Variants in DTX3L observed in about 807,000 individuals in gnomAD.
DTX3L encodes the protein deltex E3 ubiquitin ligase 3L, also known as E3 ubiquitin-protein ligase DTX3L.
A neutral mutation model predicts 60.9 loss-of-function variants in DTX3L; 34 were observed. That is an observed-to-expected ratio of 0.56 (90% CI 0.42 to 0.74). DTX3L has a LOEUF of 0.74. Ranked by LOEUF, DTX3L falls within the 30% of genes least tolerant of loss-of-function variation. DTX3L has a pLI of 0.00. For missense variants in DTX3L, 810 were observed against 874.0 expected (o/e 0.93, Z 0.92); for synonymous variants, 290 against 316.6 (o/e 0.92, Z 0.89).
In DTX3L at chr3:122,569,789, C is replaced by A; in HGVS notation, c.1700C>A (p.Thr567Asn). Residue 567 changes from threonine to asparagine, a missense_variant, in exon 3 of 5, where the codon ACC (threonine) becomes AAC (asparagine). Coordinates refer to ENST00000296161, the MANE Select transcript of DTX3L (RefSeq NM_138287.3). ...GGCATCTGTGTCATCTGTATGGACA[C>A]CATTAGTAACAAAAAAGTGCTACCA... ...EKGICVICMD[T>N]ISNKKVLPKC... is the part of the protein sequence containing the mutation. 1 of 1,614,100 alleles carries A rather than the reference C, an allele frequency of 6.2e-7. No homozygotes were observed. The highest frequency in any genetic ancestry group is 8.5e-7 in the Non-Finnish European group (1 of 1,180,018).
chr3:122,569,688 T>A lies in DTX3L; in HGVS notation c.1599T>A (p.Asp533Glu). 6.2e-7 allele frequency: 1 copy of A among 1,614,176 alleles called. No homozygotes were observed. The highest frequency in any genetic ancestry group is 8.5e-7 in the Non-Finnish European group (1 of 1,180,034). The part of the protein sequence containing the change: ...GHETPMDIDS[D>E]DSKAASPPLK... ...AAACACCGATGGACATTGATAGCGA[T>A]GATTCCAAAGCAGCTTCTCCGCCAC... The change falls in exon 3 of 5, where the codon GAT becomes GAA. Residue 533 changes from aspartate (D) to glutamate (E), a missense_variant. Transcript: ENST00000296161.
At position 122,569,372 on chromosome 3, in the gene DTX3L, A is replaced by G. The variant is rs1405685774; in HGVS notation, c.1283A>G (p.Asp428Gly). ...TTTGAATCCAAGGACAGGCAGGTAGATCTATCTGTGCATGCTTATGCAAGT... is the reference window on the plus strand; with the variant it reads ...TTTGAATCCAAGGACAGGCAGGTAGGTCTATCTGTGCATGCTTATGCAAGT... ...ILFESKDRQVDLSVHAYASFI... is the reference protein window; with the variant it reads ...ILFESKDRQVGLSVHAYASFI... Residue 428 changes from aspartate to glycine, a missense_variant, in exon 3 of 5, where the codon GAT (aspartate) becomes GGT (glycine). Coordinates refer to ENST00000296161, the MANE Select transcript of DTX3L (RefSeq NM_138287.3). The G allele has an allele frequency of 6.2e-7, 1 of 1,614,060 alleles. No homozygotes were observed. Among genetic ancestry groups the G allele is most frequent in the East Asian group, 2.2e-5 (1 of 44,900 alleles).
In DTX3L at chr3:122,572,176, G is replaced by A. The variant is rs2080651038; in HGVS notation, c.*429G>A. ...GATCCGCCCGCCTCAGCCTTCCAAA[G>A]TGTTGGGATTATAGGCGTGAGCCAC... is the stretch of plus-strand genomic sequence containing the variant. On this transcript the variant is annotated 3_prime_UTR_variant, in exon 5 of 5. Transcript: ENST00000296161. 6.2e-6 allele frequency: 1 copy of A among 161,280 alleles called. No individual in the cohort carries two copies. The allele number at this position is 161,280 out of a possible 1,614,324, so 10.0% of individuals were successfully genotyped here.
Position 122,564,409 on chromosome 3 carries a change from C to T in DTX3L, c.-18C>T. The T allele has an allele frequency of 6.2e-7, 1 of 1,601,040 alleles. No homozygotes were observed. The highest frequency in any genetic ancestry group is 8.5e-7 in the Non-Finnish European group (1 of 1,174,582). On this transcript the variant is annotated 5_prime_UTR_variant, in exon 1 of 5. Coordinates refer to ENST00000296161, the MANE Select transcript of DTX3L (RefSeq NM_138287.3). The stretch of plus-strand genomic sequence containing the variant: ...AGCTGCCTCCCGGAGCCCCCGCGCC[C>T]TCCCGACGCGCAGAGCCATGGCCTC...
chr3:122,572,412 T>C lies in DTX3L; in HGVS notation c.*665T>C, dbSNP rs1217712678. On this transcript the variant is annotated 3_prime_UTR_variant, in exon 5 of 5. Transcript: ENST00000296161. ...TGGGGTGGTTCTTTGGTTTTTTGTGTGTTTTCCCCTTCATCTCTACCTGTG... is the reference window on the plus strand; with the variant it reads ...TGGGGTGGTTCTTTGGTTTTTTGTGCGTTTTCCCCTTCATCTCTACCTGTG... 4 of 152,190 alleles carry C rather than the reference T, an allele frequency of 2.6e-5. No homozygotes were observed. The highest frequency in any genetic ancestry group is 2.0e-4 in the Admixed American group (3 of 15,278). The allele number at this position is 152,190 out of a possible 1,614,324, so 9.4% of individuals were successfully genotyped here. A position where few individuals can be genotyped will look rare whatever the true frequency, so the allele number is the denominator to read the frequency against.
rs1354758363 is a variant in DTX3L, at chr3:122,573,223, G to GC, written c.*1481dup. The GC allele has an allele frequency of 6.6e-6, 1 of 152,126 alleles. No individual in the cohort carries two copies. The highest frequency in any genetic ancestry group is 1.5e-5 in the Non-Finnish European group (1 of 68,034). 9.4% of individuals were successfully genotyped at this position (152,126 alleles called of 1,614,324 possible). A position where few individuals can be genotyped will look rare whatever the true frequency, so the allele number is the denominator to read the frequency against. On this transcript the variant is annotated 3_prime_UTR_variant, in exon 5 of 5. Transcript: ENST00000296161. ...CACCAAGCCATTCATGGGGGAATCT[G>GC]CCCCCATGACCCAGACCCCTCCCGT...
intron 3 of DTX3L, 165 bp from the exon 4 acceptor site, chr3:122,570,290 T>G: frequency 1.3e-6 from 1 of 790,338 alleles, no homozygotes; most frequent in Non-Finnish European, 2.0e-6. Flanking sequence ...GTTTCCAGCA[T>G]GAATTCAAGG....
chr3:122,568,594 G>C lies in DTX3L; in HGVS notation c.505G>C (p.Asp169His). 2 of 1,614,146 alleles carry C rather than the reference G, an allele frequency of 1.2e-6. No individual in the cohort carries two copies. The highest frequency in any genetic ancestry group is 1.6e-4 in the Middle Eastern group (1 of 6,062). Residue 169 changes from aspartate (D) to histidine (H), a missense_variant, in exon 3 of 5, where the codon GAT becomes CAT. Asp to His is a moderately conservative substitution (Grantham distance 81, BLOSUM62 -1). Transcript: ENST00000296161. ...TAGTATCAGAAAAATGGAAGGTCAC[G>C]ATGGAATTGAGAAGGTGTGTGGTGA... ...CPSIRKMEGH[D>H]GIEKVCGDFQ...
rs1281053199 is a variant in DTX3L, at chr3:122,569,234, G to T, written c.1145G>T (p.Ser382Ile). ...NYMMNVIEVD[S>I]AHYKLLETEL... Reference sequence around the variant, plus strand: ...ATGATGAATGTAATTGAGGTTGATAGTGCCCACTATAAACTTTTAGAAACT... The same window carrying T: ...ATGATGAATGTAATTGAGGTTGATATTGCCCACTATAAACTTTTAGAAACT... Residue 382 changes from serine (S) to isoleucine (I), a missense_variant, in exon 3 of 5, where the codon AGT (serine) becomes ATT (isoleucine). Ser to Ile is a moderately radical substitution (Grantham distance 142). Transcript: ENST00000296161. The T allele has an allele frequency of 6.2e-7, 1 of 1,614,140 alleles. No homozygotes were observed. The highest frequency in any genetic ancestry group is 1.3e-5 in the African/African-American group (1 of 75,030).
chr3:122,570,299 G>C (rs779245673), intron 3 of DTX3L, 156 bp from the exon 4 acceptor site: 84 of 830,452 alleles, frequency 1.0e-4, no homozygotes, highest in Admixed American at 2.2e-4. Flanking sequence ...ATGAATTCAA[G>C]GAAAGAGGAG....
At chr3:122,564,988 A>G (rs1043991007) in intron 1 of DTX3L, among the ~76,000 whole-genome samples, 1 of 152,176 alleles carries the variant, frequency 6.6e-6, no homozygotes, top group Non-Finnish European at 1.5e-5. Context: ...CCATCCATGA[A>G]CAAAAGGATG....
intron 4 of DTX3L, 73 bp downstream of exon 4, chr3:122,570,745 T>C: frequency 6.7e-7 from 1 of 1,482,086 alleles, no homozygotes; most frequent in South Asian, 1.2e-5. Flanking sequence ...TTTCTGGATG[T>C]GGATATAAGT....
Position 122,564,522 on chromosome 3 carries a change from C to T in DTX3L, c.96C>T (p.Ser32=), listed in dbSNP as rs773876302. 4 of 1,611,682 alleles carry T rather than the reference C, an allele frequency of 2.5e-6. No individual in the cohort carries two copies. The Admixed American group carries it at 6.7e-5, about 27-fold the overall frequency. ...VRRKLESYFQ[S]SKSSGGGECT... is the part of the protein sequence containing the mutation. Reference sequence around the variant, plus strand: ...GGAAGCTGGAGAGCTACTTCCAGAGCTCTAAGTCCTCGGGCGGCGGGGAGT... The same window carrying T: ...GGAAGCTGGAGAGCTACTTCCAGAGTTCTAAGTCCTCGGGCGGCGGGGAGT... The change falls in exon 1 of 5, where the codon AGC becomes AGT. Residue 32 remains serine, a synonymous_variant. Coordinates refer to ENST00000296161, the MANE Select transcript of DTX3L (RefSeq NM_138287.3).
At position 122,569,696 on chromosome 3, in the gene DTX3L, A is replaced by G. The variant is rs745757730; in HGVS notation, c.1607A>G (p.Lys536Arg). Residue 536 changes from lysine (K) to arginine (R), a missense_variant, in exon 3 of 5, where the codon AAA becomes AGA. Transcript: ENST00000296161. ...TPMDIDSDDS[K>R]AASPPLKGSV... ...ATGGACATTGATAGCGATGATTCCA[A>G]AGCAGCTTCTCCGCCACTCAAGGGC... is the stretch of plus-strand genomic sequence containing the variant. The G allele has an allele frequency of 1.9e-6, 3 of 1,614,188 alleles. No individual in the cohort carries two copies. Among genetic ancestry groups the G allele is most frequent in the Non-Finnish European group, 1.7e-6 (2 of 1,180,028 alleles).
At chr3:122,564,736 C>A in intron 1 of DTX3L, 123 bp downstream of exon 1, 1 of 1,213,522 alleles carries the variant, frequency 8.2e-7, no homozygotes, top group Non-Finnish European at 1.1e-6. Flanking sequence ...TGTGCGGTGG[C>A]GGACAGGGAC....
At position 122,564,440 on chromosome 3, in the gene DTX3L, T is replaced by G. The variant is rs759078991; in HGVS notation, c.14T>G (p.Leu5Arg). 3 of 1,610,442 alleles carry G rather than the reference T, an allele frequency of 1.9e-6. No homozygotes were observed. In the Admixed American group the frequency reaches 5.0e-5, roughly 27 times the overall value. ...ACGCGCAGAGCCATGGCCTCCCACC[T>G]GCGCCCGCCGTCCCCGCTCCTCGTG... Reference protein sequence around the residue: MASHLRPPSPLLVRV... With the variant: MASHRRPPSPLLVRV... Residue 5 changes from leucine (L) to arginine (R), a missense_variant, in exon 1 of 5, where the codon CTG becomes CGG. By Grantham distance (102) the Leu-to-Arg change is moderately radical (BLOSUM62 -2). Transcript: ENST00000296161.
Position 122,571,788 on chromosome 3 carries a change from A to G in DTX3L, c.*41A>G. 2.6e-6 allele frequency: 4 copies of G among 1,553,156 alleles called. No individual in the cohort carries two copies. Among genetic ancestry groups the G allele is most frequent in the Non-Finnish European group, 3.5e-6 (4 of 1,137,910 alleles). ...ATGTCTTAAATCAAGCTTTCAAAAAAATATATTTTAGGAGGCTGATTTAAT... is the reference window on the plus strand; with the variant it reads ...ATGTCTTAAATCAAGCTTTCAAAAAGATATATTTTAGGAGGCTGATTTAAT... On this transcript the variant is annotated 3_prime_UTR_variant, in exon 5 of 5. Coordinates refer to ENST00000296161, the MANE Select transcript of DTX3L (RefSeq NM_138287.3).
rs1324428258 is a variant in DTX3L at position 122,569,647 on chromosome 3, T to C, written c.1558T>C (p.Leu520=). Residue 520 remains leucine, a synonymous_variant, in exon 3 of 5, where the codon TTG becomes CTG. Coordinates refer to ENST00000296161, the MANE Select transcript of DTX3L (RefSeq NM_138287.3). ...GGMSSLAGKK[L]KEGHETPMDI... is the part of the protein sequence containing the mutation. ...AATGTCTTCATTGGCTGGAAAGAAA[T>C]TGAAAGAGGGTCATGAAACACCGAT... is the stretch of plus-strand genomic sequence containing the variant. 3.7e-6 allele frequency: 6 copies of C among 1,614,022 alleles called. No individual in the cohort carries two copies. Among genetic ancestry groups the C allele is most frequent in the Non-Finnish European group, 5.1e-6 (6 of 1,180,000 alleles).
chr3:122,568,873 G>T lies in DTX3L; in HGVS notation c.784G>T (p.Gly262Cys). 1.9e-6 allele frequency: 3 copies of T among 1,613,822 alleles called. No individual in the cohort carries two copies. Among genetic ancestry groups the T allele is most frequent in the Non-Finnish European group, 1.7e-6 (2 of 1,179,974 alleles). ...AATCAACTCAATAGAGAAAAGATTTGGTGTAAACATTGAAATCCAGGAGAG... is the reference window on the plus strand; with the variant it reads ...AATCAACTCAATAGAGAAAAGATTTTGTGTAAACATTGAAATCCAGGAGAG... ...DKINSIEKRFGVNIEIQESSP... is the reference protein window; with the variant it reads ...DKINSIEKRFCVNIEIQESSP... The change falls in exon 3 of 5, where the codon GGT becomes TGT. Residue 262 changes from glycine to cysteine, a missense_variant. By Grantham distance (159) the Gly-to-Cys change is radical (BLOSUM62 -3). Transcript: ENST00000296161.
Sources: allele counts gnomAD v4.1 joint callset (sites outside exome capture counted in the v4.1 genomes callset), GRCh38; gene constraint gnomAD v4.1.1; transcripts MANE v1.5; gene names NCBI Gene and HGNC (gene_info 2026-07-23, HGNC 2026-07-21).